CENPP: variants seen among roughly 807,000 people sequenced by gnomAD.
The protein encoded by CENPP is centromere protein P.
In CENPP, 24 loss-of-function variants were observed where a neutral mutation model predicts 35.6. The observed-to-expected ratio is 0.67, with a 90% CI of 0.49 to 0.95. The LOEUF (loss-of-function observed/expected upper bound fraction) is 0.95. Among genes scored for constraint, CENPP ranks in the 40% least tolerant of loss-of-function variants. The probability of loss-of-function intolerance (pLI) is 0.00; values close to 1 mark genes in which losing one functional copy is unlikely to be tolerated. For missense variants in CENPP, 332 were observed against 345.3 expected (o/e 0.96, Z 0.31); for synonymous variants, 120 against 125.5 (o/e 0.96, Z 0.29).
Position 92,345,799 on chromosome 9 carries a change from TAC to T in CENPP, c.467+14_467+15del, listed in dbSNP as rs1345084368. On this transcript the variant is annotated intron_variant, in intron 4 of 7. Coordinates refer to ENST00000375587, the MANE Select transcript of CENPP (RefSeq NM_001012267.3). ...GAATTTGTGTCTAGGTAAGCTATTTTACAAACTTACTTTTTTAGAGAAAAAAA... is the reference window on the plus strand; with the variant it reads ...GAATTTGTGTCTAGGTAAGCTATTTTAAACTTACTTTTTTAGAGAAAAAAA... The T allele has an allele frequency of 2.0e-6, 3 of 1,512,608 alleles. No individual in the cohort carries two copies. The Admixed American group carries it at 5.3e-5, about 27-fold the overall frequency. The allele number at this position is 1,512,608 out of a possible 1,614,324, so 93.7% of individuals were successfully genotyped here. A position where few individuals can be genotyped will look rare whatever the true frequency, so the allele number is the denominator to read the frequency against.
At chr9:92,375,353 C>T (rs946951073) in intron 4 of CENPP, among the ~76,000 whole-genome samples, 18 of 151,900 alleles carry the variant, frequency 1.2e-4, no homozygotes, top group Admixed American at 9.2e-4. Flanking sequence ...AGCGCAGTGC[C>T]GCAATCTCAG....
At chr9:92,334,216 G>T (rs1030094735) in intron 2 of CENPP, among the ~76,000 whole-genome samples, 13 of 151,772 alleles carry the variant, frequency 8.6e-5, no homozygotes, top group African/African-American at 3.1e-4. Flanking sequence ...TGCCTCCTGG[G>T]TTCAAGCAAT....
intron 5 of CENPP, among the ~76,000 whole-genome samples, chr9:92,581,397 A>T (rs1466248239): frequency 6.6e-6 from 1 of 152,150 alleles, no homozygotes; most frequent in Non-Finnish European, 1.5e-5. Flanking sequence ...ATATATATAT[A>T]AAGAAACTCA....
intron 4 of CENPP, among the ~76,000 whole-genome samples, chr9:92,366,494 A>G (rs1685585528): frequency 6.6e-6 from 1 of 152,150 alleles, no homozygotes; most frequent in South Asian, 2.1e-4. Context: ...CAGATTCCTA[A>G]ACTCCTTTAG....
chr9:92,417,196 G>T, intron 5 of CENPP: 2 of 1,613,946 alleles, frequency 1.2e-6, no homozygotes, highest in Non-Finnish European at 1.7e-6. Flanking sequence ...TGTGGCTGAG[G>T]TTAATTTCTT....
intron 5 of CENPP, chr9:92,522,835 A>C (rs1179361181): frequency 6.2e-7 from 1 of 1,608,640 alleles, no homozygotes; most frequent in African/African-American, 1.3e-5. Flanking sequence ...AATGATAAGC[A>C]GAAAAAAACA....
chr9:92,537,385 G>A (rs563021097), intron 5 of CENPP, among the ~76,000 whole-genome samples: 5 of 152,238 alleles, frequency 3.3e-5, no homozygotes, highest in African/African-American at 1.2e-4. Flanking sequence ...AACTAGCTGA[G>A]TGCAGTGGCT....
intron 5 of CENPP, among the ~76,000 whole-genome samples, chr9:92,483,283 C>T (rs1455346737): frequency 3.3e-5 from 5 of 150,902 alleles, no homozygotes; most frequent in African/African-American, 7.3e-5. Context: ...GGCTGGAGTG[C>T]GGTGGCGCAA....
intron 5 of CENPP, among the ~76,000 whole-genome samples, chr9:92,392,615 G>A (rs866950136): frequency 6.6e-5 from 10 of 151,628 alleles, no homozygotes; most frequent in Admixed American, 1.3e-4. Context: ...ACTCCATGTC[G>A]GGTTGGGGGG....
intron 5 of CENPP, among the ~76,000 whole-genome samples, chr9:92,380,664 T>C (rs1842221319): frequency 6.6e-6 from 1 of 152,220 alleles, no homozygotes; most frequent in African/African-American, 2.4e-5. Flanking sequence ...TTCTGTACTA[T>C]AGTACCTTGA....
intron 5 of CENPP, among the ~76,000 whole-genome samples, chr9:92,582,197 G>C (rs915782701): frequency 6.6e-6 from 1 of 152,030 alleles, no homozygotes; most frequent in Non-Finnish European, 1.5e-5. Context: ...GAGACTACAG[G>C]CACATGCCAC....
chr9:92,471,358 G>A (rs1300346390), intron 5 of CENPP, among the ~76,000 whole-genome samples: 1 of 151,788 alleles, frequency 6.6e-6, no homozygotes, highest in African/African-American at 2.4e-5. Context: ...CACCACGCCT[G>A]GCTAATTTTT....
At chr9:92,403,593 T>C in intron 5 of CENPP, 5 of 1,226,254 alleles carry the variant, frequency 4.1e-6, no homozygotes, top group Non-Finnish European at 5.1e-6. Flanking sequence ...TAGTGATCTT[T>C]AATTAGATGC....
chr9:92,359,238 C>A (rs999610717), intron 4 of CENPP, among the ~76,000 whole-genome samples: 1 of 151,974 alleles, frequency 6.6e-6, no homozygotes, highest in South Asian at 2.1e-4. Context: ...CATGAGCCAC[C>A]GTGCCCAGCC....
chr9:92,425,215 G>C (rs1191817969), intron 5 of CENPP, among the ~76,000 whole-genome samples: 1 of 152,048 alleles, frequency 6.6e-6, no homozygotes, highest in African/African-American at 2.4e-5. Context: ...CTTTTTGGCA[G>C]ATGTACCCAC....
intron 5 of CENPP, among the ~76,000 whole-genome samples, chr9:92,440,826 GATGTCTTGAAAC>G (rs948531670): frequency 2.6e-5 from 4 of 152,288 alleles, no homozygotes; most frequent in African/African-American, 4.8e-5. Context: ...ATCTACAGGG[GATGTCTTGAAAC>G]ATATCCCCCA....
chr9:92,393,235 G>T, intron 5 of CENPP: 2 of 1,569,334 alleles, frequency 1.3e-6, no homozygotes, highest in Non-Finnish European at 1.7e-6. Flanking sequence ...CAGCAGACAC[G>T]TGGGCATTTC....
intron 3 of CENPP, among the ~76,000 whole-genome samples, chr9:92,338,411 TC>T (rs757337657): frequency 1.3e-5 from 2 of 152,086 alleles, no homozygotes; most frequent in Non-Finnish European, 2.9e-5. Context: ...GATGCTCAAG[TC>T]CCTTCTATAA....
intron 1 of CENPP, 47 bp downstream of exon 1, chr9:92,326,152 C>A: frequency 2.4e-6 from 3 of 1,259,994 alleles, no homozygotes; most frequent in Non-Finnish European, 3.3e-6. Flanking sequence ...CCAGGGTTCC[C>A]GGGCCAGGCG....
Sources: allele counts gnomAD v4.1 joint callset (sites outside exome capture counted in the v4.1 genomes callset), GRCh38; gene constraint gnomAD v4.1.1; transcripts MANE v1.5; gene names NCBI Gene and HGNC (gene_info 2026-07-23, HGNC 2026-07-21).